The following UBE2R2 variants were observed in gnomAD, a reference collection of about 807,000 sequenced individuals.
UBE2R2 encodes ubiquitin conjugating enzyme E2 R2.
Under a neutral mutation model 27.8 loss-of-function variants are expected in UBE2R2, and 1 was observed. The ratio of observed to expected loss-of-function variants is 0.04; its 90% CI spans 0.01 to 0.17. UBE2R2 has a LOEUF of 0.17. UBE2R2 is among the 10% of genes least tolerant of loss of function. UBE2R2 has a pLI of 1.00. For synonymous variants in UBE2R2, 106 were observed against 113.3 expected, an observed-to-expected ratio of 0.94 and a Z score of 0.41; for missense variants, 100 against 291.0, an observed-to-expected ratio of 0.34 and a Z score of 4.78.
chr9:33,904,000 G>A (rs2130813366), intron 3 of UBE2R2, among the ~76,000 whole-genome samples: 1 of 152,144 alleles, frequency 6.6e-6, no homozygotes, highest in African/African-American at 2.4e-5. Context: ...TGATCTTATT[G>A]GTGTTTTCGG....
chr9:33,885,684 G>A (rs1480222856), intron 1 of UBE2R2, among the ~76,000 whole-genome samples: 1 of 152,164 alleles, frequency 6.6e-6, no homozygotes, highest in Non-Finnish European at 1.5e-5. Context: ...TTAAAATCAC[G>A]TAGCTTGATG....
intron 1 of UBE2R2, among the ~76,000 whole-genome samples, chr9:33,849,690 TA>T (rs71506141): frequency 0.56 from 77,609 of 139,234 alleles, 21,800 homozygotes; most frequent in East Asian, 0.78. Context: ...CATCTCTACT[TA>T]AAAAAAAAAA....
At chr9:33,887,459 G>A (rs947271960) in intron 2 of UBE2R2, among the ~76,000 whole-genome samples, 1 of 152,112 alleles carries the variant, frequency 6.6e-6, no homozygotes, top group Non-Finnish European at 1.5e-5. Context: ...TTCAAGGTGA[G>A]GTTCTTGTAC....
At chr9:33,840,292 C>G (rs945911621) in intron 1 of UBE2R2, among the ~76,000 whole-genome samples, 1 of 152,040 alleles carries the variant, frequency 6.6e-6, no homozygotes, top group Non-Finnish European at 1.5e-5. Flanking sequence ...GAAAAATAAC[C>G]ACTACTTCAC....
At chr9:33,844,980 G>A (rs1587439746) in intron 1 of UBE2R2, among the ~76,000 whole-genome samples, 1 of 151,686 alleles carries the variant, frequency 6.6e-6, no homozygotes, top group African/African-American at 2.4e-5. Context: ...TGTTGGTCAG[G>A]CTGGTCTTGA....
At chr9:33,818,002 A>G (rs1433872117) in intron 1 of UBE2R2, 68 bp downstream of exon 1, 17 of 1,557,292 alleles carry the variant, frequency 1.1e-5, no homozygotes, top group African/African-American at 2.8e-5. Context: ...CGCTTTCTGC[A>G]GTTCCTGGGA....
intron 1 of UBE2R2, among the ~76,000 whole-genome samples, chr9:33,838,264 TG>T (rs1219075124): frequency 7.0e-6 from 1 of 143,010 alleles, no homozygotes; most frequent in Non-Finnish European, 1.5e-5. Flanking sequence ...CTTTTTTTAC[TG>T]TTTTTTTTTT....
intron 4 of UBE2R2, among the ~76,000 whole-genome samples, chr9:33,915,812 G>C (rs546277549): frequency 1.3e-5 from 2 of 152,102 alleles, no homozygotes; most frequent in African/African-American, 4.8e-5. Flanking sequence ...TGCTAAGTAG[G>C]ATAATGTGAA....
At chr9:33,902,142 C>G (rs1822258342) in intron 3 of UBE2R2, among the ~76,000 whole-genome samples, 1 of 152,018 alleles carries the variant, frequency 6.6e-6, no homozygotes, top group Admixed American at 6.6e-5. Flanking sequence ...CAGTCTCAAA[C>G]TACTGGGCTC....
chr9:33,819,211 A>G (rs1315821983), intron 1 of UBE2R2, among the ~76,000 whole-genome samples: 1 of 152,206 alleles, frequency 6.6e-6, no homozygotes, highest in Non-Finnish European at 1.5e-5. Context: ...TGAGTATCTT[A>G]GTCATGTAGT....
At chr9:33,877,801 C>T (rs1444081733) in intron 1 of UBE2R2, among the ~76,000 whole-genome samples, 1 of 130,366 alleles carries the variant, frequency 7.7e-6, no homozygotes, top group Non-Finnish European at 1.6e-5. Context: ...TTGCCCCTCT[C>T]TGTCTGTCTG....
chr9:33,836,867 A>G (rs920847486), intron 1 of UBE2R2, among the ~76,000 whole-genome samples: 13 of 152,192 alleles, frequency 8.5e-5, no homozygotes, highest in African/African-American at 3.1e-4. Context: ...TGGGTATAGA[A>G]TTCTAGATTG....
rs541354260 is a variant in UBE2R2, at chr9:33,817,732, GCGCCGCCGCCGCCGCCGC to G, written c.-19_-2del. ...GCGTGAGGACTGGGGCCCGGGCCCGGCGCCGCCGCCGCCGCCGCCGCCGCGATGGCCCAGCAGCAGATG... is the reference window on the plus strand; with the variant it reads ...GCGTGAGGACTGGGGCCCGGGCCCGGCGCCGCGATGGCCCAGCAGCAGATG... On this transcript the variant is annotated 5_prime_UTR_variant, in exon 1 of 5. Coordinates refer to ENST00000263228, the MANE Select transcript of UBE2R2 (RefSeq NM_017811.4). 41 of 1,489,116 alleles carry G rather than the reference GCGCCGCCGCCGCCGCCGC, an allele frequency of 2.8e-5. No individual in the cohort carries two copies. The highest frequency in any genetic ancestry group is 3.3e-5 in the Non-Finnish European group (37 of 1,117,538). 92.2% of individuals were successfully genotyped at this position (1,489,116 alleles called of 1,614,324 possible).
At chr9:33,903,347 G>T (rs1015813834) in intron 3 of UBE2R2, among the ~76,000 whole-genome samples, 1 of 152,158 alleles carries the variant, frequency 6.6e-6, no homozygotes, top group Admixed American at 6.5e-5. Context: ...TAGATTAGAG[G>T]AAGTGGTAGC....
At position 33,826,591 on chromosome 9, in the gene UBE2R2, G is replaced by T. The variant is rs569709850; in HGVS notation, c.177+8657G>T. 6.0e-5 allele frequency among the ~76,000 whole-genome samples: 9 copies of T among 151,084 alleles called. No homozygotes were observed. The East Asian group carries it at 1.7e-3, about 29-fold the overall frequency. On this transcript the variant is annotated intron_variant, in intron 1 of 4. Transcript: ENST00000263228. Reference sequence around the variant, plus strand: ...CACGTGCCTGTAGTTCCAGCTACCCGGGAGGCTGAGGCAGGAGAATGGCTT... The same window carrying T: ...CACGTGCCTGTAGTTCCAGCTACCCTGGAGGCTGAGGCAGGAGAATGGCTT...
intron 1 of UBE2R2, among the ~76,000 whole-genome samples, chr9:33,854,001 T>TAG (rs961018048): frequency 3.8e-4 from 58 of 152,232 alleles, no homozygotes; most frequent in African/African-American, 1.3e-3. Context: ...CGTCCCCTAA[T>TAG]GGTGTAACTT....
intron 4 of UBE2R2, among the ~76,000 whole-genome samples, chr9:33,914,073 T>C (rs1477337871): frequency 6.6e-6 from 1 of 152,234 alleles, no homozygotes; most frequent in East Asian, 1.9e-4. Flanking sequence ...TATCTATTCC[T>C]TAATGACCTA....
chr9:33,887,089 AT>A, intron 2 of UBE2R2, 122 bp downstream of exon 2: 2 of 768,490 alleles, frequency 2.6e-6, no homozygotes, highest in Admixed American at 3.2e-5. Flanking sequence ...AATATTAATG[AT>A]TTTGCACTTC....
intron 4 of UBE2R2, among the ~76,000 whole-genome samples, chr9:33,916,785 C>T (rs1427288084): frequency 1.3e-5 from 2 of 152,142 alleles, no homozygotes; most frequent in Admixed American, 6.5e-5. Context: ...GCTTTAAACT[C>T]CCTTGATATT....
Sources: allele counts gnomAD v4.1 joint callset (sites outside exome capture counted in the v4.1 genomes callset), GRCh38; gene constraint gnomAD v4.1.1; transcripts MANE v1.5; gene names NCBI Gene and HGNC (gene_info 2026-07-23, HGNC 2026-07-21).